DHX57: variants seen among roughly 807,000 people sequenced by gnomAD.
The protein encoded by DHX57 is DExH-box helicase 57.
Under a neutral mutation model 156.2 loss-of-function variants are expected in DHX57, and 105 were observed. That is an observed-to-expected ratio of 0.67 (90% CI 0.57 to 0.79). DHX57 has a LOEUF of 0.79. Ranked by LOEUF, DHX57 falls within the 30% of genes least tolerant of loss-of-function variation. The pLI is 0.00. For synonymous variants in DHX57, 704 were observed against 595.6 expected (o/e 1.18, Z -2.65); for missense variants, 1,847 against 1,661.9 (o/e 1.11, Z -1.94).
At chr2:38,869,293 T>C (rs114974665) in intron 1 of DHX57, among the ~76,000 whole-genome samples, 17 of 152,232 alleles carry the variant, frequency 1.1e-4, no homozygotes, top group African/African-American at 4.1e-4. Context: ...CCATTTACAA[T>C]GGAGTGTGGA....
intron 16 of DHX57, among the ~76,000 whole-genome samples, chr2:38,824,158 G>A (rs1375633732): frequency 6.6e-6 from 1 of 152,160 alleles, no homozygotes; most frequent in African/African-American, 2.4e-5. Context: ...TATACATACA[G>A]TGGAATACTA....
chr2:38,804,200 CAT>C (rs1345420966), intron 22 of DHX57, among the ~76,000 whole-genome samples: 2 of 152,098 alleles, frequency 1.3e-5, no homozygotes, highest in Non-Finnish European at 2.9e-5. Flanking sequence ...CTTTTAAAAA[CAT>C]AAGTCTGGCA....
intron 13 of DHX57, among the ~76,000 whole-genome samples, chr2:38,835,330 T>C (rs1232835758): frequency 6.6e-6 from 1 of 152,230 alleles, no homozygotes; most frequent in Non-Finnish European, 1.5e-5. Flanking sequence ...TGATCAGCAC[T>C]GCCCTGTCTA....
At chr2:38,813,208 T>C (rs1302048669) in intron 21 of DHX57, among the ~76,000 whole-genome samples, 1 of 152,138 alleles carries the variant, frequency 6.6e-6, no homozygotes, top group African/African-American at 2.4e-5. Context: ...AGTTTCCAAC[T>C]AACATAGAAA....
At chr2:38,819,911 T>C (rs1232461626) in intron 17 of DHX57, among the ~76,000 whole-genome samples, 1 of 152,238 alleles carries the variant, frequency 6.6e-6, no homozygotes, top group Non-Finnish European at 1.5e-5. Flanking sequence ...AGTCTTCCTT[T>C]TCCCTACAAA....
intron 16 of DHX57, among the ~76,000 whole-genome samples, chr2:38,823,915 G>A (rs921238558): frequency 1.3e-5 from 2 of 152,042 alleles, no homozygotes; most frequent in African/African-American, 2.4e-5. Context: ...GGGAGGCTGA[G>A]GCAGGAGAAT....
chr2:38,801,654 G>C (rs1409003090), intron 23 of DHX57, among the ~76,000 whole-genome samples: 1 of 151,948 alleles, frequency 6.6e-6, no homozygotes, highest in Non-Finnish European at 1.5e-5. Context: ...GAGTGCAATG[G>C]CGCAATCTCG....
chr2:38,818,644 G>A (rs1172481188), intron 19 of DHX57, among the ~76,000 whole-genome samples: 7 of 152,030 alleles, frequency 4.6e-5, no homozygotes, highest in Non-Finnish European at 8.8e-5. Flanking sequence ...CCTATCTTCC[G>A]CATAAGTAAA....
chr2:38,828,517 T>A, intron 13 of DHX57, 81 bp from the exon 14 acceptor site: 1 of 967,170 alleles, frequency 1.0e-6, no homozygotes, highest in South Asian at 1.7e-5. Context: ...AAAAAGAATA[T>A]GATAAATGAA....
intron 11 of DHX57, among the ~76,000 whole-genome samples, chr2:38,844,753 T>G (rs1672180166): frequency 6.6e-6 from 1 of 150,744 alleles, no homozygotes; most frequent in Non-Finnish European, 1.5e-5. Flanking sequence ...TGTTAAAGAA[T>G]GACTAGAGAA....
At chr2:38,869,006 T>C (rs903590715) in intron 1 of DHX57, among the ~76,000 whole-genome samples, 1 of 152,204 alleles carries the variant, frequency 6.6e-6, no homozygotes, top group Non-Finnish European at 1.5e-5. Flanking sequence ...TTCACCATGT[T>C]GGCCAGGCTG....
At chr2:38,845,703 G>A (rs761379073) in intron 11 of DHX57, among the ~76,000 whole-genome samples, 5 of 152,084 alleles carry the variant, frequency 3.3e-5, no homozygotes, top group Non-Finnish European at 5.9e-5. Flanking sequence ...CAGAGACTAA[G>A]AAGAGAAAGT....
rs1670906387 is a variant in DHX57, at chr2:38,823,046, A to G, written c.3238T>C (p.Cys1080Arg). 1.2e-6 allele frequency: 2 copies of G among 1,614,078 alleles called. No individual in the cohort carries two copies. The highest frequency in any genetic ancestry group is 1.7e-5 in the Admixed American group (1 of 59,998). The change falls in exon 17 of 24, where the codon TGT becomes CGT. Residue 1080 changes from cysteine to arginine, a missense_variant. Cys to Arg is a radical substitution (Grantham distance 180, BLOSUM62 -3). Transcript: ENST00000457308. ...GCAATGGTGAGAGCAGGATCCAAAC[A>G]GCGGAAGATAGACCCAAACAACATT... ...KLMLFGSIFR[C>R]LDPALTIAAS...
At position 38,806,543 on chromosome 2, in the gene DHX57, A is replaced by T. The variant is rs753339384; in HGVS notation, c.3816+16T>A. The T allele has an allele frequency of 6.2e-7, 1 of 1,612,088 alleles. No homozygotes were observed. Among genetic ancestry groups the T allele is most frequent in the Non-Finnish European group, 8.5e-7 (1 of 1,179,282 alleles). On this transcript the variant is annotated intron_variant, in intron 22 of 23. Transcript: ENST00000457308. The stretch of plus-strand genomic sequence containing the variant: ...AGGACGACCTGTAAACATTAAGTAT[A>T]CTCCACCATTCTGACCTGATAGTTC...
intron 6 of DHX57, among the ~76,000 whole-genome samples, chr2:38,857,784 C>T (rs549131511): frequency 2.6e-5 from 4 of 152,320 alleles, no homozygotes; most frequent in African/African-American, 9.6e-5. Flanking sequence ...ATTGGCTAAA[C>T]CACTTACTAG....
At chr2:38,848,245 T>A (rs946696637) in intron 10 of DHX57, 24 bp downstream of exon 10, 5 of 1,566,356 alleles carry the variant, frequency 3.2e-6, no homozygotes, top group Non-Finnish European at 4.3e-6. Flanking sequence ...GAATGATACA[T>A]ATTTAATGAT....
rs1672824864 is a variant in DHX57 at position 38,855,142 on chromosome 2, A to T, written c.1820T>A (p.Ile607Asn). 1 of 1,614,018 alleles carries T rather than the reference A, an allele frequency of 6.2e-7. No homozygotes were observed. Among genetic ancestry groups the T allele is most frequent in the African/African-American group, 1.3e-5 (1 of 74,892 alleles). Reference protein sequence around the residue: ...ICTQPRRISAISVAERVAKER... With the variant: ...ICTQPRRISANSVAERVAKER... Reference sequence around the variant, plus strand: ...TTTAGCAACGCGTTCAGCAACAGAGATTGCAGAGATTCGTCGGGGTTGGGT... The same window carrying T: ...TTTAGCAACGCGTTCAGCAACAGAGTTTGCAGAGATTCGTCGGGGTTGGGT... Residue 607 changes from isoleucine (I) to asparagine (N), a missense_variant, in exon 8 of 24, where the codon ATC becomes AAC. Coordinates refer to ENST00000457308, the MANE Select transcript of DHX57 (RefSeq NM_198963.3).
chr2:38,798,074 T>C lies in DHX57; in HGVS notation c.*225A>G, dbSNP rs1408794773. The C allele has an allele frequency of 2.3e-6, 1 of 436,396 alleles. No homozygotes were observed. Among genetic ancestry groups the C allele is most frequent in the Non-Finnish European group, 4.1e-6 (1 of 241,644 alleles). 27.0% of individuals were successfully genotyped at this position (436,396 alleles called of 1,614,324 possible). A position where few individuals can be genotyped will look rare whatever the true frequency, so the allele number is the denominator to read the frequency against. ...AGACAAAGACAGGCAAGCTGGGTTT[T>C]AGGCTCTCACCCTTGACACTCCAAA... On this transcript the variant is annotated 3_prime_UTR_variant, in exon 24 of 24. Coordinates refer to ENST00000457308, the MANE Select transcript of DHX57 (RefSeq NM_198963.3).
chr2:38,852,286 C>T (rs1672639795), intron 9 of DHX57, among the ~76,000 whole-genome samples: 1 of 150,334 alleles, frequency 6.7e-6, no homozygotes, highest in Non-Finnish European at 1.5e-5. Flanking sequence ...AAGCGATTCT[C>T]CTGCCTCAGC....
Sources: gnomAD v4.1 joint callset for allele counts (sites outside exome capture counted in the v4.1 genomes callset) on GRCh38, gnomAD v4.1.1 for gene constraint, MANE v1.5 for transcripts, NCBI Gene and HGNC (gene_info 2026-07-23, HGNC 2026-07-21) for gene names.